The following PPFIA2 variants were observed in gnomAD, a reference collection of about 807,000 sequenced individuals.
PPFIA2 encodes PPFI scaffold protein A2.
A neutral mutation model predicts 175.5 loss-of-function variants in PPFIA2; 46 were observed. The ratio of observed to expected loss-of-function variants is 0.26; its 90% CI spans 0.21 to 0.34. The LOEUF (loss-of-function observed/expected upper bound fraction) is 0.34. PPFIA2 is among the 10% of genes least tolerant of loss of function. PPFIA2 has a pLI of 1.00. For synonymous variants in PPFIA2, 568 were observed against 511.4 expected (o/e 1.11, Z -1.49); for missense variants, 1,179 against 1,506.1 (o/e 0.78, Z 3.60).
chr12:81,408,066 A>G (rs1214027473), intron 7 of PPFIA2, among the ~76,000 whole-genome samples: 1 of 152,196 alleles, frequency 6.6e-6, no homozygotes, highest in African/African-American at 2.4e-5. Flanking sequence ...ATGGGAAAAC[A>G]AAGAATCTAA....
chr12:81,451,140 T>C lies in PPFIA2; in HGVS notation c.406-5420A>G, dbSNP rs542696217. Among the ~76,000 whole-genome samples, 256 of 152,174 alleles carry C rather than the reference T, an allele frequency of 1.7e-3. 2 individuals are homozygous for C. The highest frequency in any genetic ancestry group is 2.2e-3 in the Non-Finnish European group (149 of 68,004). On this transcript the variant is annotated intron_variant, in intron 5 of 32. Transcript: ENST00000549396. ...CACATACAGACACACACACTATATA[T>C]ACACACACGCATGCATGTTTGTGTG...
At chr12:81,709,347 C>T (rs1280007541) in intron 3 of PPFIA2, among the ~76,000 whole-genome samples, 1 of 152,062 alleles carries the variant, frequency 6.6e-6, no homozygotes, top group Non-Finnish European at 1.5e-5. Context: ...TTTGTCAGAT[C>T]CATCATCAAA....
chr12:81,393,576 G>C (rs1428311396), intron 8 of PPFIA2, among the ~76,000 whole-genome samples: 1 of 151,956 alleles, frequency 6.6e-6, no homozygotes, highest in South Asian at 2.1e-4. Flanking sequence ...ACATAAACCA[G>C]GAAACTTCAG....
chr12:81,337,007 C>G (rs1277113082), intron 21 of PPFIA2, among the ~76,000 whole-genome samples: 1 of 152,150 alleles, frequency 6.6e-6, no homozygotes, highest in African/African-American at 2.4e-5. Flanking sequence ...GATACCCCTT[C>G]TAGGACCAAA....
intron 4 of PPFIA2, among the ~76,000 whole-genome samples, chr12:81,611,519 A>C (rs2153469303): frequency 6.6e-6 from 1 of 152,244 alleles, no homozygotes; most frequent in African/African-American, 2.4e-5. Context: ...ACTCATATAC[A>C]GCAACACATT....
intron 4 of PPFIA2, among the ~76,000 whole-genome samples, chr12:81,488,118 G>T (rs551308527): frequency 6.6e-6 from 1 of 151,818 alleles, no homozygotes; most frequent in Admixed American, 6.6e-5. Flanking sequence ...GAGGTTTGAT[G>T]GTCTATATTT....
intron 4 of PPFIA2, among the ~76,000 whole-genome samples, chr12:81,572,315 A>G (rs1339868357): frequency 6.6e-6 from 1 of 152,026 alleles, no homozygotes; most frequent in Non-Finnish European, 1.5e-5. Context: ...CCTTTAAAAA[A>G]TAGCAACTTC....
intron 3 of PPFIA2, among the ~76,000 whole-genome samples, chr12:81,723,619 A>C (rs550786059): frequency 6.6e-6 from 1 of 151,212 alleles, no homozygotes; most frequent in African/African-American, 2.4e-5. Flanking sequence ...TTCTTTCATA[A>C]AAAACGATGT....
chr12:81,468,600 A>G lies in PPFIA2; in HGVS notation c.304-10734T>C, dbSNP rs143785674. Among the ~76,000 whole-genome samples the G allele has an allele frequency of 8.5e-5, 13 of 152,290 alleles. No homozygotes were observed. In the East Asian group the frequency reaches 1.7e-3, roughly 20 times the overall value. On this transcript the variant is annotated intron_variant, in intron 4 of 32. Coordinates refer to ENST00000549396, the MANE Select transcript of PPFIA2 (RefSeq NM_003625.5). ...TCGAGCTGAATATTTAAATCTCCCAACATAGCTCAACAAAGCTCTAACTCT... is the reference window on the plus strand; with the variant it reads ...TCGAGCTGAATATTTAAATCTCCCAGCATAGCTCAACAAAGCTCTAACTCT...
At chr12:81,449,921 A>G (rs1418507198) in intron 5 of PPFIA2, among the ~76,000 whole-genome samples, 1 of 151,812 alleles carries the variant, frequency 6.6e-6, no homozygotes, top group Non-Finnish European at 1.5e-5. Context: ...TAGTTTGCTG[A>G]GAATGATGGT....
chr12:81,624,069 C>G (rs2062388153), intron 4 of PPFIA2, among the ~76,000 whole-genome samples: 1 of 151,920 alleles, frequency 6.6e-6, no homozygotes, highest in South Asian at 2.1e-4. Context: ...TAGGAAAGCA[C>G]AGGTGCAATG....
At chr12:81,270,964 G>A (rs1230281826) in intron 28 of PPFIA2, 1 of 152,006 alleles carries the variant, frequency 6.6e-6, no homozygotes, top group Non-Finnish European at 1.5e-5. Context: ...TATGTTTCCT[G>A]CCTTAAAGTT....
At chr12:81,716,551 A>AATAC (rs111468046) in intron 3 of PPFIA2, among the ~76,000 whole-genome samples, 7 of 147,828 alleles carry the variant, frequency 4.7e-5, no homozygotes, top group Non-Finnish European at 1.1e-4. Flanking sequence ...GGAAAGTACC[A>AATAC]ACACACACAC....
At chr12:81,674,964 C>T (rs2072196547) in intron 4 of PPFIA2, among the ~76,000 whole-genome samples, 1 of 151,872 alleles carries the variant, frequency 6.6e-6, no homozygotes, top group Non-Finnish European at 1.5e-5. Context: ...CTACTGAACC[C>T]CTAGATTAGC....
chr12:81,319,165 A>G (rs1270307774), intron 22 of PPFIA2, among the ~76,000 whole-genome samples: 1 of 151,800 alleles, frequency 6.6e-6, no homozygotes, highest in East Asian at 1.9e-4. Context: ...CTTTGTTAAT[A>G]TATTAACATT....
At chr12:81,684,919 A>G (rs1297342194) in intron 3 of PPFIA2, among the ~76,000 whole-genome samples, 1 of 152,074 alleles carries the variant, frequency 6.6e-6, no homozygotes, top group Non-Finnish European at 1.5e-5. Flanking sequence ...AATACATTAA[A>G]TTCATCCTCT....
intron 22 of PPFIA2, among the ~76,000 whole-genome samples, chr12:81,310,433 C>T (rs976432753): frequency 6.6e-6 from 1 of 152,044 alleles, no homozygotes; most frequent in Non-Finnish European, 1.5e-5. Flanking sequence ...CAATAAGAAA[C>T]CGAATTGTAG....
chr12:81,281,326 G>C lies in PPFIA2; in HGVS notation c.3143C>G (p.Ala1048Gly). 1 of 1,611,548 alleles carries C rather than the reference G, an allele frequency of 6.2e-7. No individual in the cohort carries two copies. ...RSYFMECLVDARMLDHLTKKD... is the reference protein window; with the variant it reads ...RSYFMECLVDGRMLDHLTKKD... ...TTTTGTTAGGTGATCTAACATTCTT[G>C]CATCTACCAAGCATTCCATAAAGTA... The change falls in exon 27 of 33, where the codon GCA becomes GGA. Residue 1048 changes from alanine to glycine, a missense_variant. Transcript: ENST00000549396.
chr12:81,342,127 A>G (rs1293436622), intron 19 of PPFIA2, among the ~76,000 whole-genome samples: 1 of 152,124 alleles, frequency 6.6e-6, no homozygotes, highest in Non-Finnish European at 1.5e-5. Flanking sequence ...TCCTTAAAGA[A>G]CACTTTAGTA....
Sources: allele counts gnomAD v4.1 joint callset (sites outside exome capture counted in the v4.1 genomes callset), GRCh38; gene constraint gnomAD v4.1.1; transcripts MANE v1.5; gene names NCBI Gene and HGNC (gene_info 2026-07-23, HGNC 2026-07-21).